LRP1B: variants seen among roughly 807,000 people sequenced by gnomAD.
LRP1B encodes LDL receptor related protein 1B.
In LRP1B, 217 loss-of-function variants were observed where a neutral mutation model predicts 556.6. That is an observed-to-expected ratio of 0.39 (90% CI 0.35 to 0.44). LRP1B has a LOEUF of 0.44. LRP1B is among the 20% of genes least tolerant of loss of function. The pLI is 1.00. For missense variants in LRP1B, 5,053 were observed against 5,620.8 expected, an observed-to-expected ratio of 0.90 and a Z score of 3.23; for synonymous variants, 2,047 against 1,865.8, an observed-to-expected ratio of 1.10 and a Z score of -2.50.
intron 37 of LRP1B, among the ~76,000 whole-genome samples, chr2:140,706,968 T>C (rs997384418): frequency 6.6e-6 from 1 of 151,908 alleles, no homozygotes; most frequent in Non-Finnish European, 1.5e-5. Flanking sequence ...GGTAATGGAG[T>C]GAAAGAAAAT....
intron 1 of LRP1B, among the ~76,000 whole-genome samples, chr2:142,027,198 T>C (rs1046359638): frequency 7.2e-5 from 11 of 151,892 alleles, no homozygotes; most frequent in African/African-American, 2.7e-4. Context: ...CATCCATTGC[T>C]GATGCATGAA....
chr2:140,790,652 G>C (rs559658937), intron 32 of LRP1B, among the ~76,000 whole-genome samples: 33 of 152,260 alleles, frequency 2.2e-4, no homozygotes, highest in Non-Finnish European at 3.7e-4. Flanking sequence ...AGTGAGGCCC[G>C]TCTGGAAGAG....
At chr2:140,258,403 G>A (rs762912809) in intron 86 of LRP1B, among the ~76,000 whole-genome samples, 7 of 151,938 alleles carry the variant, frequency 4.6e-5, no homozygotes, top group Non-Finnish European at 8.8e-5. Flanking sequence ...AATAGAACTT[G>A]AGCTGGCTTT....
intron 66 of LRP1B, among the ~76,000 whole-genome samples, chr2:140,418,261 A>G (rs573413740): frequency 6.6e-6 from 1 of 152,310 alleles, no homozygotes; most frequent in South Asian, 2.1e-4. Context: ...CTGAACCAGG[A>G]CTTTCTTTCT....
intron 1 of LRP1B, among the ~76,000 whole-genome samples, chr2:141,894,504 G>A (rs1699380943): frequency 6.6e-6 from 1 of 152,004 alleles, no homozygotes; most frequent in Non-Finnish European, 1.5e-5. Flanking sequence ...ACATTACTAA[G>A]ACTACCTCAC....
intron 3 of LRP1B, among the ~76,000 whole-genome samples, chr2:141,316,256 A>G (rs1307128330): frequency 6.6e-6 from 1 of 152,064 alleles, no homozygotes; most frequent in Non-Finnish European, 1.5e-5. Flanking sequence ...CTAGCAATAC[A>G]TTTGTCTTTT....
chr2:141,329,537 A>C (rs1042656229), intron 3 of LRP1B, among the ~76,000 whole-genome samples: 6 of 150,946 alleles, frequency 4.0e-5, no homozygotes, highest in African/African-American at 1.5e-4. Flanking sequence ...CCAGCTACTC[A>C]GGAGGCTGAG....
chr2:141,463,516 C>T (rs1232330685), intron 3 of LRP1B, among the ~76,000 whole-genome samples: 2 of 134,582 alleles, frequency 1.5e-5, no homozygotes, highest in African/African-American at 5.6e-5. Context: ...AGGAAAGAAA[C>T]AAATATTATA....
intron 41 of LRP1B, among the ~76,000 whole-genome samples, chr2:140,676,876 A>T (rs1007983695): frequency 2.0e-5 from 3 of 152,354 alleles, no homozygotes; most frequent in Non-Finnish European, 2.9e-5. Context: ...TTATATACCA[A>T]ATACTATCAT....
At chr2:141,313,435 C>T (rs183518513) in intron 3 of LRP1B, among the ~76,000 whole-genome samples, 12 of 151,882 alleles carry the variant, frequency 7.9e-5, no homozygotes, top group African/African-American at 2.9e-4. Context: ...GTGAGGGGTG[C>T]AAAATAAAAT....
chr2:140,766,822 AATATATATATATATATATATATTATAT>A (rs1165104966), intron 35 of LRP1B, among the ~76,000 whole-genome samples: 2 of 105,622 alleles, frequency 1.9e-5, no homozygotes, highest in South Asian at 2.7e-4. Context: ...ATCTTTGTAA[AATATATATATATATATATATATTATAT>A]ATATATATAT....
chr2:140,322,148 CATAAAATTAA>C (rs1368529662), intron 81 of LRP1B, 60 bp from the exon 82 acceptor site: 1 of 1,494,708 alleles, frequency 6.7e-7, no homozygotes, highest in East Asian at 2.3e-5. Flanking sequence ...GCTTCAAAAG[CATAAAATTAA>C]ATAAGGCGAA....
At chr2:140,238,052 C>T in intron 89 of LRP1B, 100 bp downstream of exon 89, 1 of 1,071,006 alleles carries the variant, frequency 9.3e-7, no homozygotes, top group Non-Finnish European at 1.3e-6. Flanking sequence ...CTTATTCTAA[C>T]TTCAGATAAC....
chr2:140,429,947 T>C (rs1558876716), intron 66 of LRP1B, among the ~76,000 whole-genome samples: 1 of 152,192 alleles, frequency 6.6e-6, no homozygotes, highest in Non-Finnish European at 1.5e-5. Context: ...CACTCTTTGT[T>C]GAGTCTCCCA....
intron 6 of LRP1B, among the ~76,000 whole-genome samples, chr2:141,204,598 C>T (rs6429867): frequency 0.37 from 56,894 of 152,016 alleles, 11,925 homozygotes; most frequent in Middle Eastern, 0.55. Flanking sequence ...GAAAGGAGAA[C>T]TATAAAATAT....
intron 86 of LRP1B, among the ~76,000 whole-genome samples, chr2:140,265,000 ATAG>A (rs1475375737): frequency 2.0e-5 from 3 of 152,072 alleles, no homozygotes; most frequent in South Asian, 4.1e-4. Flanking sequence ...TGTTAATAGA[ATAG>A]TAGTAGTGGG....
At chr2:141,000,088 A>G (rs10170812) in intron 15 of LRP1B, among the ~76,000 whole-genome samples, 1 of 139,194 alleles carries the variant, frequency 7.2e-6, no homozygotes, top group African/African-American at 2.8e-5. Context: ...CTCATTTTTT[A>G]TTTTCTTTTT....
At chr2:141,644,738 C>CACACACACACACAA (rs1689485295) in intron 2 of LRP1B, among the ~76,000 whole-genome samples, 1 of 147,944 alleles carries the variant, frequency 6.8e-6, no homozygotes, top group African/African-American at 2.6e-5. Context: ...ATCACACACA[C>CACACACACACACAA]ACACACACAC....
chr2:140,767,196 A>T (rs1385387805), intron 35 of LRP1B, among the ~76,000 whole-genome samples: 1 of 151,872 alleles, frequency 6.6e-6, no homozygotes, highest in Non-Finnish European at 1.5e-5. Context: ...CTGTATTCTG[A>T]GTAACAGTAG....
Sources: allele counts gnomAD v4.1 joint callset (sites outside exome capture counted in the v4.1 genomes callset), GRCh38; gene constraint gnomAD v4.1.1; transcripts MANE v1.5; gene names NCBI Gene and HGNC (gene_info 2026-07-23, HGNC 2026-07-21).